The following ZNF521 variants were observed in gnomAD, a reference collection of about 807,000 sequenced individuals.
ZNF521 encodes the protein zinc finger protein 521.
A neutral mutation model predicts 105.5 loss-of-function variants in ZNF521; 14 were observed. The observed-to-expected ratio is 0.13, with a 90% CI of 0.09 to 0.21. The LOEUF (loss-of-function observed/expected upper bound fraction) is 0.21, where lower values mean the gene tolerates loss of function less well. ZNF521 is among the 10% of genes least tolerant of loss of function. The probability of loss-of-function intolerance (pLI) is 1.00; values close to 1 mark genes in which losing one functional copy is unlikely to be tolerated. For missense variants in ZNF521, 1,233 were observed against 1,629.7 expected, an observed-to-expected ratio of 0.76 and a Z score of 4.19; for synonymous variants, 635 against 606.0, an observed-to-expected ratio of 1.05 and a Z score of -0.70.
At chr18:25,314,380 T>C (rs1256036838) in intron 3 of ZNF521, among the ~76,000 whole-genome samples, 2 of 152,144 alleles carry the variant, frequency 1.3e-5, no homozygotes, top group Non-Finnish European at 2.9e-5. Flanking sequence ...CACTTTCACA[T>C]TTAAAAAAAT....
intron 5 of ZNF521, among the ~76,000 whole-genome samples, chr18:25,189,789 A>C (rs1161686290): frequency 6.6e-6 from 1 of 152,210 alleles, no homozygotes; most frequent in Non-Finnish European, 1.5e-5. Flanking sequence ...TTTTTAGACA[A>C]AAGTTACGTT....
At chr18:25,189,037 T>C (rs766811363) in intron 5 of ZNF521, among the ~76,000 whole-genome samples, 9 of 152,330 alleles carry the variant, frequency 5.9e-5, no homozygotes, top group Non-Finnish European at 1.2e-4. Flanking sequence ...AAACACATGA[T>C]TTGTCTTTTA....
intron 5 of ZNF521, among the ~76,000 whole-genome samples, chr18:25,121,815 T>C (rs887170777): frequency 2.0e-5 from 3 of 152,122 alleles, no homozygotes; most frequent in Non-Finnish European, 4.4e-5. Context: ...ATCAAACTAT[T>C]ACAAACTTAA....
intron 3 of ZNF521, among the ~76,000 whole-genome samples, chr18:25,319,430 C>T (rs1912814514): frequency 6.6e-6 from 1 of 152,128 alleles, no homozygotes; most frequent in South Asian, 2.1e-4. Flanking sequence ...CCTGTCTCTA[C>T]TAAAAAGTAC....
At chr18:25,239,729 G>C (rs955059096) in intron 3 of ZNF521, among the ~76,000 whole-genome samples, 3 of 152,190 alleles carry the variant, frequency 2.0e-5, no homozygotes, top group Non-Finnish European at 4.4e-5. Context: ...CAGAATGTAA[G>C]TGTGGTATGC....
intron 5 of ZNF521, among the ~76,000 whole-genome samples, chr18:25,135,905 T>A (rs970731123): frequency 2.0e-5 from 3 of 152,200 alleles, no homozygotes; most frequent in African/African-American, 7.2e-5. Flanking sequence ...TTAGTCAATA[T>A]TATATTTCAG....
At chr18:25,198,847 A>G (rs1243496014) in intron 4 of ZNF521, among the ~76,000 whole-genome samples, 2 of 151,964 alleles carry the variant, frequency 1.3e-5, no homozygotes, top group African/African-American at 2.4e-5. Context: ...ATAATCATTA[A>G]TGGATGCTGA....
chr18:25,085,066 T>C (rs1054613310), intron 7 of ZNF521, among the ~76,000 whole-genome samples: 2 of 152,082 alleles, frequency 1.3e-5, no homozygotes, highest in African/African-American at 4.8e-5. Context: ...AAAATGTTCA[T>C]TGAGTTGAAA....
chr18:25,329,149 G>A (rs534704804), intron 2 of ZNF521, among the ~76,000 whole-genome samples: 11 of 152,146 alleles, frequency 7.2e-5, no homozygotes, highest in African/African-American at 1.7e-4. Context: ...ATTTGCTGCC[G>A]CTTCCCAACT....
At chr18:25,223,566 A>G (rs1033324344) in intron 4 of ZNF521, among the ~76,000 whole-genome samples, 1 of 152,184 alleles carries the variant, frequency 6.6e-6, no homozygotes, top group African/African-American at 2.4e-5. Context: ...AAGAAATATT[A>G]AAATGAGCCA....
At chr18:25,267,657 G>A (rs1052865297) in intron 3 of ZNF521, among the ~76,000 whole-genome samples, 1 of 152,194 alleles carries the variant, frequency 6.6e-6, no homozygotes, top group Non-Finnish European at 1.5e-5. Flanking sequence ...CGGACCTATA[G>A]CAAACACCAG....
intron 3 of ZNF521, among the ~76,000 whole-genome samples, chr18:25,308,192 T>G (rs1912084492): frequency 2.2e-5 from 1 of 45,670 alleles, no homozygotes; most frequent in Non-Finnish European, 3.4e-5. Context: ...AGACTGCATC[T>G]CAAAAAAAAA....
intron 3 of ZNF521, among the ~76,000 whole-genome samples, chr18:25,286,059 G>A (rs1293494473): frequency 6.6e-6 from 1 of 152,212 alleles, no homozygotes; most frequent in African/African-American, 2.4e-5. Context: ...GATGGAAATT[G>A]GGATAATAAT....
intron 2 of ZNF521, among the ~76,000 whole-genome samples, chr18:25,342,066 AGT>A (rs1914229451): frequency 6.6e-6 from 1 of 152,190 alleles, no homozygotes; most frequent in Non-Finnish European, 1.5e-5. Flanking sequence ...AGCAAATCAG[AGT>A]ATGCCCCCGT....
intron 5 of ZNF521, among the ~76,000 whole-genome samples, chr18:25,151,721 C>T (rs576268756): frequency 3.3e-4 from 50 of 152,298 alleles, no homozygotes; most frequent in African/African-American, 1.2e-3. Flanking sequence ...TGAATCTGAG[C>T]TTGCTGTTCA....
intron 5 of ZNF521, among the ~76,000 whole-genome samples, chr18:25,153,774 T>G (rs2035091603): frequency 6.6e-6 from 1 of 152,212 alleles, no homozygotes; most frequent in Non-Finnish European, 1.5e-5. Context: ...TTTTTTTTTC[T>G]TTTGTCCTAT....
intron 6 of ZNF521, among the ~76,000 whole-genome samples, chr18:25,091,343 T>C (rs574253286): frequency 6.6e-5 from 10 of 152,324 alleles, no homozygotes; most frequent in South Asian, 2.1e-4. Flanking sequence ...CTTTTTTTTT[T>C]CTGCTAAAAT....
At chr18:25,213,984 C>A (rs1264428670) in intron 4 of ZNF521, among the ~76,000 whole-genome samples, 1 of 152,000 alleles carries the variant, frequency 6.6e-6, no homozygotes, top group African/African-American at 2.4e-5. Flanking sequence ...TGGGAAATAA[C>A]TTTACATATA....
chr18:25,348,187 A>T (rs1914545191), intron 2 of ZNF521, among the ~76,000 whole-genome samples: 2 of 152,224 alleles, frequency 1.3e-5, no homozygotes, highest in Non-Finnish European at 2.9e-5. Flanking sequence ...ATGATACCAG[A>T]ACACAGGTCA....
Sources: gnomAD v4.1 joint callset for allele counts (sites outside exome capture counted in the v4.1 genomes callset) on GRCh38, gnomAD v4.1.1 for gene constraint, MANE v1.5 for transcripts, NCBI Gene and HGNC (gene_info 2026-07-23, HGNC 2026-07-21) for gene names.